Variants in LMF1 observed in about 807,000 individuals in gnomAD.
LMF1 encodes transmembrane protein 112.
Under a neutral mutation model 60.6 loss-of-function variants are expected in LMF1, and 68 were observed. The observed-to-expected ratio is 1.12, with a 90% CI of 0.92 to 1.37. LMF1 has a LOEUF of 1.37. Among genes scored for constraint, LMF1 ranks in the 40% most tolerant of loss-of-function variants. The pLI is 0.00. For missense variants in LMF1, 948 were observed against 767.2 expected, an observed-to-expected ratio of 1.24 and a Z score of -2.78; for synonymous variants, 418 against 324.7, an observed-to-expected ratio of 1.29 and a Z score of -3.09.
chr16:971,442 G>C (rs767776546), upstream of LMF1, among the ~76,000 whole-genome samples: 6 of 152,390 alleles, frequency 3.9e-5, no homozygotes, highest in East Asian at 5.8e-4. Context: ...CTGCGGAGGA[G>C]GGTGCTAGGG....
At chr16:864,031 G>T (rs1314823354) in intron 10 of LMF1, among the ~76,000 whole-genome samples, 2 of 152,158 alleles carry the variant, frequency 1.3e-5, no homozygotes, top group African/African-American at 2.4e-5. Context: ...TCTACCTATT[G>T]TTGAAAGAAG....
intron 2 of LMF1, among the ~76,000 whole-genome samples, chr16:939,505 C>T (rs182137626): frequency 1.6e-3 from 242 of 152,380 alleles, no homozygotes; most frequent in African/African-American, 5.4e-3. Flanking sequence ...GGCCACCACA[C>T]GTGCCGCCGA....
rs754783431 is a variant in LMF1, at chr16:870,864, G to A, written c.1097C>T (p.Ala366Val). The A allele has an allele frequency of 6.2e-6, 10 of 1,609,056 alleles. No individual in the cohort carries two copies. The highest frequency in any genetic ancestry group is 1.1e-5 in the South Asian group (1 of 91,036). The part of the protein sequence containing the change: ...EPRFGSVVRR[A>V]ANVSLGVLLA... ...CAGGACGCCCAGCGAGACGTTGGCT[G>A]CACGCCGCACCACGGAGCCTGGCAG... is the stretch of plus-strand genomic sequence containing the variant. The change falls in exon 8 of 11, where the codon GCA becomes GTA. Residue 366 changes from alanine to valine, a missense_variant. Physicochemically the swap from Ala to Val is moderately conservative, Grantham distance 64 (BLOSUM62 0). Transcript: ENST00000262301.
intron 10 of LMF1, among the ~76,000 whole-genome samples, chr16:861,742 G>A (rs546652018): frequency 1.9e-4 from 29 of 152,268 alleles, no homozygotes; most frequent in African/African-American, 5.5e-4. Flanking sequence ...AGGCAGTTTC[G>A]TTTCTTCCTT....
At chr16:933,660 G>A (rs914188386) in intron 3 of LMF1, 2 of 262,808 alleles carry the variant, frequency 7.6e-6, no homozygotes, top group African/African-American at 4.4e-5. Flanking sequence ...AGGTCCTGGA[G>A]TCAGGTCTGC....
chr16:915,841 T>C (rs576392753), intron 3 of LMF1, among the ~76,000 whole-genome samples: 1 of 151,214 alleles, frequency 6.6e-6, no homozygotes, highest in South Asian at 2.1e-4. Context: ...GCAGGTGAGA[T>C]GCAGGGGCCG....
intron 3 of LMF1, among the ~76,000 whole-genome samples, chr16:914,649 TCATGACCATTGGTGACACACTCCCTCCC>T (rs2071225967): frequency 1.5e-3 from 36 of 23,748 alleles, no homozygotes; most frequent in Non-Finnish European, 2.1e-3. Flanking sequence ...CCCTCCCTCC[TCATGACCATTGGTGACACACTCCCTCCC>T]TCCCATGACC....
chr16:888,081 C>T (rs559644491), intron 5 of LMF1, among the ~76,000 whole-genome samples: 13 of 152,336 alleles, frequency 8.5e-5, no homozygotes, highest in South Asian at 2.1e-4. Context: ...CAGCATCCTT[C>T]GGCGGACGGA....
At chr16:887,346 C>T (rs1317861494) in intron 5 of LMF1, among the ~76,000 whole-genome samples, 7 of 152,198 alleles carry the variant, frequency 4.6e-5, no homozygotes, top group Non-Finnish European at 7.3e-5. Flanking sequence ...CTGCCTGACA[C>T]GGGGATGCAC....
chr16:931,466 C>A (rs1045461536), intron 3 of LMF1, among the ~76,000 whole-genome samples: 1 of 152,240 alleles, frequency 6.6e-6, no homozygotes, highest in South Asian at 2.1e-4. Context: ...CTGAGATGGA[C>A]ACAGACGCAC....
chr16:853,655 G>A lies in LMF1; in HGVS notation c.*877C>T, dbSNP rs1393505769. ...TGTGTTTTCGAGTAAGCTGGTAAGT[G>A]GTATAATAGGAATAGTAGAAGAATA... is the stretch of plus-strand genomic sequence containing the variant. On this transcript the variant is annotated 3_prime_UTR_variant, in exon 11 of 11. Transcript: ENST00000262301. The A allele has an allele frequency of 2.2e-6, 1 of 451,994 alleles. No individual in the cohort carries two copies. Among genetic ancestry groups the A allele is most frequent in the Admixed American group, 2.4e-5 (1 of 42,550 alleles). 28.0% of individuals were successfully genotyped at this position (451,994 alleles called of 1,614,324 possible).
chr16:917,470 G>A (rs1054353549), intron 3 of LMF1, among the ~76,000 whole-genome samples: 8 of 135,134 alleles, frequency 5.9e-5, no homozygotes, highest in Admixed American at 7.3e-5. Flanking sequence ...AATGCCACAC[G>A]TGTGCGCTGC....
At position 894,584 on chromosome 16, in the gene LMF1, G is replaced by A. The variant is rs562923132; in HGVS notation, c.664-1512C>T. Among the ~76,000 whole-genome samples, 285 of 152,322 alleles carry A rather than the reference G, an allele frequency of 1.9e-3. 3 individuals are homozygous for A. The highest frequency in any genetic ancestry group is 6.7e-3 in the African/African-American group (279 of 41,572). ...CGACAAGGCGCAGAGAGGAAGGACG[G>A]CCACCAGTCGTGGCAGACGCAGTGG... On this transcript the variant is annotated intron_variant, in intron 4 of 10. Transcript: ENST00000262301.
rs1348999050 is a variant in LMF1 at position 962,559 on chromosome 16, C to T, written c.194-7893G>A. 6.6e-6 allele frequency among the ~76,000 whole-genome samples: 1 copy of T among 152,200 alleles called. No individual in the cohort carries two copies. Among genetic ancestry groups the T allele is most frequent in the East Asian group, 1.9e-4 (1 of 5,172 alleles). On this transcript the variant is annotated intron_variant, in intron 1 of 10. Coordinates refer to ENST00000262301, the MANE Select transcript of LMF1 (RefSeq NM_022773.4). This position sits in a 1 kb window ranked among gnomAD's most constrained non-coding sequence, Gnocchi z 4.5. ...CGGTGTGACGGGAAGGGCCCCGCAC[C>T]TCTGTGGGCGTCTTCCCAAAACCCA...
chr16:976,720 G>T (rs74712369), intron 1 of LMF1: 1 of 454,134 alleles, frequency 2.2e-6, no homozygotes, highest in Non-Finnish European at 4.4e-6. Flanking sequence ...CTGGAGTGAC[G>T]GACGCTGAGC....
At chr16:876,096 C>T (rs2069964144) in intron 6 of LMF1, among the ~76,000 whole-genome samples, 1 of 152,234 alleles carries the variant, frequency 6.6e-6, no homozygotes, top group Non-Finnish European at 1.5e-5. Flanking sequence ...CTGTGGGAAG[C>T]ACATGTGCCC....
intron 5 of LMF1, among the ~76,000 whole-genome samples, chr16:892,569 G>A (rs896279465): frequency 1.3e-5 from 2 of 152,248 alleles, no homozygotes; most frequent in Admixed American, 6.5e-5. Context: ...GTTCACACCT[G>A]CCCTGTGGGA....
At chr16:975,809 T>C (rs1270118181), upstream of LMF1, 1 of 454,050 alleles carries the variant, frequency 2.2e-6, no homozygotes, top group Non-Finnish European at 4.4e-6. Context: ...CTAATGGGTC[T>C]CTGGAACGTT....
intron 1 of LMF1, chr16:977,197 C>T (rs931722209): frequency 4.6e-6 from 2 of 430,496 alleles, no homozygotes; most frequent in Non-Finnish European, 9.4e-6. Context: ...GACGCCACCC[C>T]AGCCAACAGG....
Sources: allele counts gnomAD v4.1 joint callset (sites outside exome capture counted in the v4.1 genomes callset), GRCh38; gene constraint gnomAD v4.1.1; non-coding constraint Gnocchi (gnomAD v3.1); transcripts MANE v1.5; gene names NCBI Gene and HGNC (gene_info 2026-07-23, HGNC 2026-07-21).